RGS21: variants seen among roughly 807,000 people sequenced by gnomAD.
RGS21 encodes the protein regulator of G-protein signalling 21.
RGS21 carries 19 observed loss-of-function variants against 18.7 expected under a neutral mutation model. The ratio of observed to expected loss-of-function variants is 1.01; its 90% CI spans 0.71 to 1.49. RGS21 has a LOEUF of 1.49. RGS21 is among the 40% of genes most tolerant of loss of function. The probability of loss-of-function intolerance (pLI) is 0.00; values close to 1 mark genes in which losing one functional copy is unlikely to be tolerated. For missense variants in RGS21, 194 were observed against 176.8 expected, an observed-to-expected ratio of 1.10 and a Z score of -0.55; for synonymous variants, 56 against 57.8, an observed-to-expected ratio of 0.97 and a Z score of 0.14.
chr1:192,322,791 AAG>A (rs1658515485), intron 1 of RGS21, among the ~76,000 whole-genome samples: 1 of 152,050 alleles, frequency 6.6e-6, no homozygotes, highest in Admixed American at 6.6e-5. Flanking sequence ...TAACTGCAAA[AAG>A]TTTACTCTGT....
intron 1 of RGS21, among the ~76,000 whole-genome samples, chr1:192,321,769 C>T (rs960760045): frequency 1.3e-5 from 2 of 151,804 alleles, no homozygotes; most frequent in Non-Finnish European, 2.9e-5. Context: ...TTAAAAAGAG[C>T]CCTGATCTGA....
chr1:192,335,067 T>G (rs74461673), intron 1 of RGS21, among the ~76,000 whole-genome samples: 1 of 152,142 alleles, frequency 6.6e-6, no homozygotes, highest in Non-Finnish European at 1.5e-5. Context: ...TGTATTATTC[T>G]CACAGAGCTT....
rs546671375 is a variant in RGS21 at position 192,361,951 on chromosome 1, A to T, written c.256-3970A>T. Among the ~76,000 whole-genome samples the T allele has an allele frequency of 1.2e-3, 188 of 152,306 alleles. 1 individual carries two copies. The highest frequency in any genetic ancestry group is 4.5e-3 in the African/African-American group (185 of 41,570). ...GGCTTCTCAGAGGATATTCAACTTAAGGTAAATGATAAAGGTGGAAGACAA... is the reference window on the plus strand; with the variant it reads ...GGCTTCTCAGAGGATATTCAACTTATGGTAAATGATAAAGGTGGAAGACAA... On this transcript the variant is annotated intron_variant, in intron 4 of 4. Transcript: ENST00000417209.
intron 1 of RGS21, among the ~76,000 whole-genome samples, chr1:192,338,210 T>A (rs949806790): frequency 2.6e-5 from 4 of 152,132 alleles, no homozygotes; most frequent in African/African-American, 9.7e-5. Context: ...TCAGAAATAA[T>A]TGATGAACCA....
chr1:192,335,321 T>C (rs545895806), intron 1 of RGS21, among the ~76,000 whole-genome samples: 9 of 152,298 alleles, frequency 5.9e-5, no homozygotes, highest in African/African-American at 2.2e-4. Context: ...AGAATTTTTA[T>C]AAGAATGAAA....
chr1:192,325,613 T>C (rs1239580658), intron 1 of RGS21, among the ~76,000 whole-genome samples: 1 of 152,016 alleles, frequency 6.6e-6, no homozygotes, highest in Non-Finnish European at 1.5e-5. Flanking sequence ...TTTGCCAACA[T>C]CTGTTATTTT....
At chr1:192,363,296 A>G (rs1354588712) in intron 4 of RGS21, among the ~76,000 whole-genome samples, 1 of 152,124 alleles carries the variant, frequency 6.6e-6, no homozygotes, top group African/African-American at 2.4e-5. Context: ...ATAAGCTAGC[A>G]CTGTTTGGCA....
At chr1:192,317,922 CA>C (rs1349662611) in intron 1 of RGS21, among the ~76,000 whole-genome samples, 1 of 151,904 alleles carries the variant, frequency 6.6e-6, no homozygotes, top group Non-Finnish European at 1.5e-5. Context: ...TGTGCATTCA[CA>C]ACTCAAGATG....
At chr1:192,327,391 A>T (rs945424081) in intron 1 of RGS21, among the ~76,000 whole-genome samples, 9 of 152,136 alleles carry the variant, frequency 5.9e-5, no homozygotes, top group African/African-American at 1.4e-4. Context: ...CAGAAAGTAA[A>T]AATCTAGTAA....
At chr1:192,348,737 GAC>G (rs1300167779) in intron 3 of RGS21, among the ~76,000 whole-genome samples, 2 of 151,766 alleles carry the variant, frequency 1.3e-5, no homozygotes, top group Non-Finnish European at 2.9e-5. Flanking sequence ...GAGGAAAAAT[GAC>G]ACTGTGAAAC....
intron 4 of RGS21, among the ~76,000 whole-genome samples, chr1:192,353,217 A>C (rs1314587780): frequency 6.6e-6 from 1 of 151,968 alleles, no homozygotes; most frequent in Non-Finnish European, 1.5e-5. Context: ...ATGAGACATA[A>C]AGTTAGTTAC....
At chr1:192,348,949 TAGAA>T (rs1557979559) in intron 3 of RGS21, among the ~76,000 whole-genome samples, 1 of 152,008 alleles carries the variant, frequency 6.6e-6, no homozygotes, top group Non-Finnish European at 1.5e-5. Flanking sequence ...ATGACTAATT[TAGAA>T]ATAATTAGAA....
chr1:192,345,144 T>C (rs1658928096), intron 2 of RGS21, among the ~76,000 whole-genome samples: 2 of 152,118 alleles, frequency 1.3e-5, no homozygotes, highest in Non-Finnish European at 2.9e-5. Flanking sequence ...AATACTCCTT[T>C]ATATCCAAAA....
At chr1:192,317,820 G>C (rs1658441196) in intron 1 of RGS21, among the ~76,000 whole-genome samples, 3 of 151,746 alleles carry the variant, frequency 2.0e-5, no homozygotes, top group Non-Finnish European at 2.9e-5. Flanking sequence ...GTCACTCTAA[G>C]TAAAGTCTTA....
chr1:192,336,884 T>C (rs1161928235), intron 1 of RGS21, among the ~76,000 whole-genome samples: 3 of 152,098 alleles, frequency 2.0e-5, no homozygotes, highest in African/African-American at 7.2e-5. Context: ...AAAATAGTGA[T>C]TGGCTGGGTG....
chr1:192,344,851 G>A (rs1013763507), intron 2 of RGS21, among the ~76,000 whole-genome samples: 4 of 151,986 alleles, frequency 2.6e-5, no homozygotes, highest in Non-Finnish European at 4.4e-5. Context: ...GAGCCGATGG[G>A]CAATTTTTTT....
intron 1 of RGS21, among the ~76,000 whole-genome samples, chr1:192,336,408 T>G (rs1658768384): frequency 6.6e-6 from 1 of 152,158 alleles, no homozygotes; most frequent in Non-Finnish European, 1.5e-5. Flanking sequence ...TGAGCTGAGA[T>G]CGTGCTATTG....
intron 1 of RGS21, among the ~76,000 whole-genome samples, chr1:192,337,882 T>G (rs895517472): frequency 6.6e-6 from 1 of 152,300 alleles, no homozygotes; most frequent in African/African-American, 2.4e-5. Flanking sequence ...TGTTATTTAC[T>G]TTTAAAACAT....
intron 4 of RGS21, among the ~76,000 whole-genome samples, chr1:192,358,831 G>C (rs1430119429): frequency 6.6e-6 from 1 of 152,102 alleles, no homozygotes; most frequent in African/African-American, 2.4e-5. Flanking sequence ...TGCTGGTGTA[G>C]AGAAAATAAA....
Sources: allele counts gnomAD v4.1 joint callset (sites outside exome capture counted in the v4.1 genomes callset), GRCh38; gene constraint gnomAD v4.1.1; transcripts MANE v1.5; gene names NCBI Gene and HGNC (gene_info 2026-07-23, HGNC 2026-07-21).